NEK7: variants seen among roughly 807,000 people sequenced by gnomAD.
The protein encoded by NEK7 is serine/threonine-protein kinase Nek7.
In NEK7, 18 loss-of-function variants were observed where a neutral mutation model predicts 44.6. That is an observed-to-expected ratio of 0.40 (90% CI 0.28 to 0.60). The LOEUF is 0.60. NEK7 is among the 20% of genes least tolerant of loss of function. NEK7 has a pLI of 0.38. For missense variants in NEK7, 256 were observed against 366.5 expected (o/e 0.70, Z 2.46); for synonymous variants, 130 against 121.1 (o/e 1.07, Z -0.48).
chr1:198,297,795 T>C (rs1654757570), intron 9 of NEK7, among the ~76,000 whole-genome samples: 1 of 152,236 alleles, frequency 6.6e-6, no homozygotes, highest in African/African-American at 2.4e-5. Context: ...TATACTCAGA[T>C]TCTACTGGGG....
In NEK7 at chr1:198,321,755, AT is replaced by A. The variant is rs1425347369; in HGVS notation, c.*2236del. 5 of 152,260 alleles carry A rather than the reference AT, an allele frequency of 3.3e-5. No individual in the cohort carries two copies. In the South Asian group the frequency reaches 1.0e-3, roughly 32 times the overall value. The allele number at this position is 152,260 out of a possible 1,614,324, so 9.4% of individuals were successfully genotyped here. On this transcript the variant is annotated 3_prime_UTR_variant, in exon 10 of 10. Transcript: ENST00000367385. ...TCAAATTTTAATTTTGAATGGAATAATTTCAAAGAACTATGAAGATGATTTG... is the reference window on the plus strand; with the variant it reads ...TCAAATTTTAATTTTGAATGGAATAATTCAAAGAACTATGAAGATGATTTG...
chr1:198,312,692 A>G (rs1224138895), intron 9 of NEK7, among the ~76,000 whole-genome samples: 1 of 151,448 alleles, frequency 6.6e-6, no homozygotes, highest in Non-Finnish European at 1.5e-5. Flanking sequence ...TCATTTCGTT[A>G]TGTACCCAGT....
chr1:198,202,291 A>C (rs1665454470), intron 1 of NEK7, among the ~76,000 whole-genome samples: 1 of 152,086 alleles, frequency 6.6e-6, no homozygotes. Context: ...GCCTTTCTTC[A>C]CAAGGAGGAT....
At chr1:198,157,388 C>G (rs1048882792) in intron 1 of NEK7, 112 bp downstream of exon 1, 15 of 152,356 alleles carry the variant, frequency 9.8e-5, no homozygotes, top group African/African-American at 3.6e-4. Flanking sequence ...GGGCGGCCTC[C>G]GGGATACCCT....
At chr1:198,179,955 A>G (rs1417854980) in intron 1 of NEK7, among the ~76,000 whole-genome samples, 1 of 152,090 alleles carries the variant, frequency 6.6e-6, no homozygotes, top group African/African-American at 2.4e-5. Flanking sequence ...AAGTTGTGTA[A>G]CTTCTTTCTT....
chr1:198,233,988 C>T (rs1460987365), intron 2 of NEK7, among the ~76,000 whole-genome samples: 1 of 149,346 alleles, frequency 6.7e-6, no homozygotes, highest in African/African-American at 2.5e-5. Context: ...GGAAATGTGG[C>T]GGTATCTTCT....
chr1:198,234,883 T>G (rs1441018331), intron 2 of NEK7, among the ~76,000 whole-genome samples: 1 of 152,192 alleles, frequency 6.6e-6, no homozygotes, highest in Non-Finnish European at 1.5e-5. Context: ...TGTGAGACAG[T>G]GTAAGAAAGA....
intron 1 of NEK7, among the ~76,000 whole-genome samples, chr1:198,230,673 T>C (rs10922386): frequency 0.34 from 51,069 of 151,810 alleles, 9,823 homozygotes; most frequent in East Asian, 0.8. Context: ...CTATCTATTG[T>C]AGTAAGGCAA....
rs150306358 is a variant in NEK7 at position 198,188,984 on chromosome 1, C to T, written c.-29+31708C>T. 6.6e-3 allele frequency among the ~76,000 whole-genome samples: 1,002 copies of T among 152,166 alleles called. 18 individuals carry two copies. The highest frequency in any genetic ancestry group is 0.024 in the African/African-American group (976 of 41,504). On this transcript the variant is annotated intron_variant, in intron 1 of 9. Transcript: ENST00000367385. The stretch of plus-strand genomic sequence containing the variant: ...CTTTTACTATCCTAAATCAAGTGCG[C>T]TTGAATGAGTAGAAAGTGATGATTT...
In NEK7 at chr1:198,264,995, ATTATTG is replaced by A. The variant is rs980169586; in HGVS notation, c.372+772_372+777del. ...TGTAAATGTATCTGCTGCTGCTATTATTATTGTTATTGTTATTATTTCTCTGTCACA... is the reference window on the plus strand; with the variant it reads ...TGTAAATGTATCTGCTGCTGCTATTATTATTGTTATTATTTCTCTGTCACA... On this transcript the variant is annotated intron_variant, in intron 5 of 9. Coordinates refer to ENST00000367385, the MANE Select transcript of NEK7 (RefSeq NM_133494.3). 1.2e-3 allele frequency among the ~76,000 whole-genome samples: 190 copies of A among 152,144 alleles called. 1 individual carries two copies. The highest frequency in any genetic ancestry group is 4.3e-3 in the African/African-American group (178 of 41,536).
intron 5 of NEK7, among the ~76,000 whole-genome samples, chr1:198,267,215 C>T (rs1275778238): frequency 6.6e-6 from 1 of 152,066 alleles, no homozygotes; most frequent in South Asian, 2.1e-4. Flanking sequence ...TTTAAATATG[C>T]TCAGGTCACT....
intron 3 of NEK7, among the ~76,000 whole-genome samples, chr1:198,254,080 T>G (rs1653169105): frequency 6.6e-6 from 1 of 152,148 alleles, no homozygotes; most frequent in African/African-American, 2.4e-5. Context: ...CTTTTTTTTT[T>G]TAAACTTCTT....
intron 1 of NEK7, among the ~76,000 whole-genome samples, chr1:198,228,378 A>G (rs1367653964): frequency 1.3e-5 from 2 of 152,132 alleles, no homozygotes; most frequent in East Asian, 3.9e-4. Flanking sequence ...TGTGAACTTT[A>G]AAGTAGTTTT....
At chr1:198,244,057 A>G (rs1205852935) in intron 2 of NEK7, among the ~76,000 whole-genome samples, 5 of 152,170 alleles carry the variant, frequency 3.3e-5, no homozygotes, top group Admixed American at 3.3e-4. Context: ...ATTGCTAAAT[A>G]AAATTTGAAA....
chr1:198,279,642 G>A (rs558812266), intron 7 of NEK7, among the ~76,000 whole-genome samples: 1 of 151,778 alleles, frequency 6.6e-6, no homozygotes, highest in East Asian at 2.0e-4. Context: ...TTAAAAATAA[G>A]TTTGCTTAAA....
chr1:198,286,030 G>A (rs1424886782), intron 7 of NEK7, among the ~76,000 whole-genome samples: 2 of 152,062 alleles, frequency 1.3e-5, no homozygotes, highest in South Asian at 4.1e-4. Flanking sequence ...ATTGATCCCT[G>A]GTGACTTTTC....
At chr1:198,301,840 G>A (rs1016613512) in intron 9 of NEK7, among the ~76,000 whole-genome samples, 1 of 152,182 alleles carries the variant, frequency 6.6e-6, no homozygotes, top group African/African-American at 2.4e-5. Flanking sequence ...AGTGCTTGCC[G>A]ATCTGAACTA....
intron 1 of NEK7, chr1:198,197,801 G>T: frequency 1.3e-6 from 1 of 740,780 alleles, no homozygotes; most frequent in South Asian, 1.4e-5. Flanking sequence ...ACTGATGGAA[G>T]AGGAGGAGGA....
intron 1 of NEK7, among the ~76,000 whole-genome samples, chr1:198,173,634 C>A (rs1403688159): frequency 6.6e-6 from 1 of 151,626 alleles, no homozygotes; most frequent in Non-Finnish European, 1.5e-5. Context: ...ATCTTTATGA[C>A]ACTTTAGCAT....
Sources: gnomAD v4.1 joint callset for allele counts (sites outside exome capture counted in the v4.1 genomes callset) on GRCh38, gnomAD v4.1.1 for gene constraint, MANE v1.5 for transcripts, NCBI Gene and HGNC (gene_info 2026-07-23, HGNC 2026-07-21) for gene names.